ARMC8: variants seen among roughly 807,000 people sequenced by gnomAD.
The protein encoded by ARMC8 is armadillo repeat-containing protein 8.
Under a neutral mutation model 99.3 loss-of-function variants are expected in ARMC8, and 20 were observed. The observed-to-expected ratio is 0.20, with a 90% CI of 0.14 to 0.29. ARMC8 has a LOEUF of 0.29. Among genes scored for constraint, ARMC8 ranks in the 10% least tolerant of loss-of-function variants. The pLI, the probability that ARMC8 is intolerant of heterozygous loss-of-function variation, is 1.00. For synonymous variants in ARMC8, 263 were observed against 278.3 expected (o/e 0.95, Z 0.55); for missense variants, 569 against 809.5 (o/e 0.70, Z 3.60).
chr3:138,198,374 G>A (rs1485034618), intron 1 of ARMC8, among the ~76,000 whole-genome samples: 1 of 151,866 alleles, frequency 6.6e-6, no homozygotes, highest in Non-Finnish European at 1.5e-5. Flanking sequence ...TTTTTATTGA[G>A]GAAAACTGAA....
intron 2 of ARMC8, among the ~76,000 whole-genome samples, chr3:138,221,721 A>C (rs1248242808): frequency 6.6e-6 from 1 of 152,106 alleles, no homozygotes; most frequent in Non-Finnish European, 1.5e-5. Context: ...TACTCAGGAT[A>C]TCTCTCACTT....
chr3:138,201,284 T>A, intron 1 of ARMC8, among the ~76,000 whole-genome samples: 1 of 151,468 alleles, frequency 6.6e-6, no homozygotes, highest in African/African-American at 2.4e-5. Context: ...CCAACTCAGT[T>A]AAAAAATACA....
intron 3 of ARMC8, among the ~76,000 whole-genome samples, chr3:138,222,378 A>G (rs1431994522): frequency 6.6e-6 from 1 of 152,178 alleles, no homozygotes; most frequent in East Asian, 1.9e-4. Flanking sequence ...AATTTAAAGG[A>G]AAAAAACCCT....
chr3:138,283,873 A>G (rs1197743954), intron 18 of ARMC8, among the ~76,000 whole-genome samples: 2 of 152,118 alleles, frequency 1.3e-5, no homozygotes, highest in Non-Finnish European at 2.9e-5. Context: ...TTCCCCTAAC[A>G]GGGTTCAAAA....
rs374204828 is a variant in ARMC8, at chr3:138,284,492, A to G, written c.1787A>G (p.Asn596Ser). Residue 596 changes from asparagine (N) to serine (S), a missense_variant, in exon 19 of 22, where the codon AAT becomes AGT. Asn to Ser is a conservative substitution (Grantham distance 46). Around this residue, in one of 2 missense-constraint regions of ARMC8, gnomAD observed 227 missense variants for 417.9 expected, o/e 0.54. Coordinates refer to ENST00000469044, the MANE Select transcript of ARMC8 (RefSeq NM_001363941.2). ...GTTAKDLIMT[N>S]DDILQKIKYY... ...ACAGCAAAAGATCTTATTATGACCA[A>G]TGATGATATCCTACAGAAAATCAAG... is the stretch of plus-strand genomic sequence containing the variant. 2.2e-5 allele frequency: 36 copies of G among 1,613,444 alleles called. No individual in the cohort carries two copies. The highest frequency in any genetic ancestry group is 3.1e-5 in the Non-Finnish European group (36 of 1,179,474).
At chr3:138,232,518 A>T (rs1482800286) in intron 6 of ARMC8, among the ~76,000 whole-genome samples, 2 of 152,216 alleles carry the variant, frequency 1.3e-5, no homozygotes, top group Admixed American at 1.3e-4. Flanking sequence ...TTAGAAAAAA[A>T]GTTACAAGCA....
intron 13 of ARMC8, 151 bp from the exon 14 acceptor site, chr3:138,263,980 C>A: frequency 1.1e-6 from 1 of 930,922 alleles, no homozygotes; most frequent in Non-Finnish European, 1.7e-6. Context: ...GAGAGCCTGG[C>A]CTCCAAACCC....
chr3:138,256,747 T>G lies in ARMC8; in HGVS notation c.1135-6992T>G, dbSNP rs996136092. On this transcript the variant is annotated intron_variant, in intron 12 of 21. Transcript: ENST00000469044. ...TTGTTCAGTTTATTAATGATGCCCC[T>G]TCTTGCCAAGTATAGTATACTAATC... Among the ~76,000 whole-genome samples, 10 of 152,192 alleles carry G rather than the reference T, an allele frequency of 6.6e-5. 1 individual carries two copies. The highest frequency in any genetic ancestry group is 6.5e-4 in the Admixed American group (10 of 15,278).
At chr3:138,191,384 ATAAT>A (rs1214963749) in intron 1 of ARMC8, among the ~76,000 whole-genome samples, 1 of 152,242 alleles carries the variant, frequency 6.6e-6, no homozygotes, top group East Asian at 1.9e-4. Flanking sequence ...TTATTTTGAA[ATAAT>A]TATAGATTCA....
chr3:138,295,898 G>A lies in ARMC8; in HGVS notation c.*6G>A. The A allele has an allele frequency of 6.2e-7, 1 of 1,613,430 alleles. No homozygotes were observed. The highest frequency in any genetic ancestry group is 1.1e-5 in the South Asian group (1 of 90,914). On this transcript the variant is annotated 3_prime_UTR_variant, in exon 22 of 22. Coordinates refer to ENST00000469044, the MANE Select transcript of ARMC8 (RefSeq NM_001363941.2). Reference sequence around the variant, plus strand: ...TGCAGCAGTACCTGGCATGATGGGAGTGCCCCTGGGCACCTGCGAGCATCC... The same window carrying A: ...TGCAGCAGTACCTGGCATGATGGGAATGCCCCTGGGCACCTGCGAGCATCC...
At chr3:138,290,743 T>G in intron 21 of ARMC8, 104 bp downstream of exon 21, 2 of 720,058 alleles carry the variant, frequency 2.8e-6, no homozygotes, top group Non-Finnish European at 4.6e-6. Context: ...TAAAATCTTT[T>G]AGATTCTTAG....
At chr3:138,289,182 G>A (rs2050713949) in intron 20 of ARMC8, 62 bp downstream of exon 20, 1 of 1,309,298 alleles carries the variant, frequency 7.6e-7, no homozygotes, top group South Asian at 1.3e-5. Flanking sequence ...GCACAGGGAA[G>A]CTAGCAGGTG....
chr3:138,278,948 A>T (rs1323896462), intron 18 of ARMC8, among the ~76,000 whole-genome samples: 2 of 152,296 alleles, frequency 1.3e-5, no homozygotes, highest in Non-Finnish European at 2.9e-5. Flanking sequence ...ATTACTTAAA[A>T]TTTTCAACAA....
intron 1 of ARMC8, among the ~76,000 whole-genome samples, chr3:138,209,611 C>T (rs1256717875): frequency 6.6e-6 from 1 of 152,174 alleles, no homozygotes; most frequent in Non-Finnish European, 1.5e-5. Flanking sequence ...CTGAACACTA[C>T]AGTTTCCCAT....
rs1406564507 is a variant in ARMC8 at position 138,297,823 on chromosome 3, A to AT, written c.*1936dup. On this transcript the variant is annotated 3_prime_UTR_variant, in exon 22 of 22. Coordinates refer to ENST00000469044, the MANE Select transcript of ARMC8 (RefSeq NM_001363941.2). The stretch of plus-strand genomic sequence containing the variant: ...AACTGTGAAAATATCCTTGGTTGGC[A>AT]TTTTTAACACAAAACACTATAGTGT... 1 of 152,242 alleles carries AT rather than the reference A, an allele frequency of 6.6e-6. No homozygotes were observed. The highest frequency in any genetic ancestry group is 1.5e-5 in the Non-Finnish European group (1 of 68,036). 9.4% of individuals were successfully genotyped at this position (152,242 alleles called of 1,614,324 possible).
chr3:138,273,277 C>T (rs542014483), intron 17 of ARMC8, among the ~76,000 whole-genome samples, 161 bp downstream of exon 17: 6 of 152,324 alleles, frequency 3.9e-5, no homozygotes, highest in African/African-American at 1.2e-4. Flanking sequence ...CTGTCACCTT[C>T]GTAGGTGTTC....
intron 5 of ARMC8, among the ~76,000 whole-genome samples, chr3:138,227,390 C>A (rs969867652): frequency 3.9e-5 from 6 of 152,208 alleles, no homozygotes; most frequent in Non-Finnish European, 8.8e-5. Context: ...TTAGCTGCTA[C>A]CTGCTTCACT....
chr3:138,220,271 T>C (rs1456447824), intron 2 of ARMC8, among the ~76,000 whole-genome samples: 1 of 152,256 alleles, frequency 6.6e-6, no homozygotes, highest in Non-Finnish European at 1.5e-5. Flanking sequence ...TGATATCATA[T>C]AGTTTTATAT....
At chr3:138,263,678 C>T in intron 12 of ARMC8, 61 bp from the exon 13 acceptor site, 1 of 1,350,410 alleles carries the variant, frequency 7.4e-7, no homozygotes. Context: ...CTTGCATTTA[C>T]AAGCAGTGAA....
Sources: gnomAD v4.1 joint callset for allele counts (sites outside exome capture counted in the v4.1 genomes callset) on GRCh38, gnomAD v4.1.1 for gene constraint, gnomAD v4.1.1 regional missense constraint, MANE v1.5 for transcripts, NCBI Gene and HGNC (gene_info 2026-07-23, HGNC 2026-07-21) for gene names.